Variants in SOX5 observed in about 807,000 individuals in gnomAD.
SOX5 encodes the protein transcription factor SOX-5.
Under a neutral mutation model 92.0 loss-of-function variants are expected in SOX5, and 9 were observed. The ratio of observed to expected loss-of-function variants is 0.10; its 90% confidence interval spans 0.06 to 0.17. The LOEUF is 0.17. Among genes scored for constraint, SOX5 ranks in the 10% least tolerant of loss-of-function variants. The pLI, the probability that SOX5 is intolerant of heterozygous loss-of-function variation, is 1.00. For synonymous variants in SOX5, 344 were observed against 336.3 expected (o/e 1.02, Z -0.25); for missense variants, 642 against 944.5 (o/e 0.68, Z 4.20).
At position 24,007,747 on chromosome 12, in the gene SOX5, ATG is replaced by A. The variant is rs1170413731; in HGVS notation, c.-1-111725_-1-111724del. ...TATATAAATGTATATAAATATATTT[ATG>A]TATATAAATGTATATAAATGTATTT... is the stretch of plus-strand genomic sequence containing the variant. On this transcript the variant is annotated intron_variant, in intron 4 of 4. Transcript: ENST00000446891. Among the ~76,000 whole-genome samples the A allele has an allele frequency of 1.3e-3, 134 of 101,308 alleles. 21 individuals are homozygous for A. Among genetic ancestry groups the A allele is most frequent in the Non-Finnish European group, 2.1e-3 (101 of 48,818 alleles). The allele number at this position is 101,308 out of a possible 152,430, so 66.5% of individuals were successfully genotyped here. A position where few individuals can be genotyped will look rare whatever the true frequency, so the allele number is the denominator to read the frequency against.
At chr12:24,291,448 ACT>A (rs1449846023) in intron 2 of SOX5, among the ~76,000 whole-genome samples, 1 of 152,168 alleles carries the variant, frequency 6.6e-6, no homozygotes, top group Non-Finnish European at 1.5e-5. Flanking sequence ...ATAGTTAGAA[ACT>A]CTCTGATATG....
chr12:23,587,517 T>TTAA (rs1478173093), intron 9 of SOX5, among the ~76,000 whole-genome samples: 8 of 152,144 alleles, frequency 5.3e-5, no homozygotes, highest in Admixed American at 2.6e-4. Context: ...TAATTTCTTT[T>TTAA]TAATTCTGAA....
chr12:24,269,761 C>T (rs73284918), intron 3 of SOX5, among the ~76,000 whole-genome samples: 2 of 146,908 alleles, frequency 1.4e-5, no homozygotes, highest in Non-Finnish European at 3.0e-5. Context: ...TCACTACAGC[C>T]TTGAACTCCC....
chr12:23,667,535 G>C (rs1343911552), intron 6 of SOX5, among the ~76,000 whole-genome samples: 1 of 152,126 alleles, frequency 6.6e-6, no homozygotes, highest in Non-Finnish European at 1.5e-5. Flanking sequence ...AAAGACCCTA[G>C]AGATTATCAG....
intron 1 of SOX5, among the ~76,000 whole-genome samples, chr12:23,923,735 T>C (rs1939140914): frequency 6.6e-6 from 1 of 152,150 alleles, no homozygotes; most frequent in African/African-American, 2.4e-5. Context: ...ATATCCTGTA[T>C]CTGAGTCACA....
chr12:24,075,411 A>G (rs1235038586), intron 4 of SOX5, among the ~76,000 whole-genome samples: 1 of 151,892 alleles, frequency 6.6e-6, no homozygotes, highest in Admixed American at 6.6e-5. Context: ...TTGAGAAATG[A>G]GAGGCTAAGT....
chr12:24,100,825 T>A (rs547493890), intron 4 of SOX5, among the ~76,000 whole-genome samples: 5 of 152,248 alleles, frequency 3.3e-5, no homozygotes, highest in East Asian at 1.9e-4. Context: ...CATCTACATA[T>A]GTCTAGAGTC....
intron 1 of SOX5, among the ~76,000 whole-genome samples, chr12:24,560,877 G>A (rs1954266921): frequency 1.3e-5 from 2 of 152,092 alleles, no homozygotes; most frequent in Non-Finnish European, 2.9e-5. Flanking sequence ...AATCTCACAT[G>A]TGCCTACTTC....
intron 4 of SOX5, among the ~76,000 whole-genome samples, chr12:24,140,203 C>T (rs767338719): frequency 8.6e-5 from 13 of 151,910 alleles, no homozygotes; most frequent in Admixed American, 6.6e-4. Context: ...TTTCTGATCT[C>T]GATCATACAT....
At chr12:23,961,512 T>C (rs1946928304) in intron 4 of SOX5, among the ~76,000 whole-genome samples, 1 of 152,142 alleles carries the variant, frequency 6.6e-6, no homozygotes. Flanking sequence ...TGCATTACTC[T>C]TGGAGTATCT....
intron 3 of SOX5, among the ~76,000 whole-genome samples, chr12:23,824,807 G>C (rs1460206846): frequency 6.6e-6 from 1 of 152,218 alleles, no homozygotes; most frequent in Non-Finnish European, 1.5e-5. Context: ...AATCTAGAGA[G>C]GCAGTCTGGC....
chr12:23,796,405 G>T (rs761067957), intron 3 of SOX5, among the ~76,000 whole-genome samples: 12 of 152,086 alleles, frequency 7.9e-5, no homozygotes, highest in Admixed American at 6.6e-5. Context: ...TGAATGAGTA[G>T]TTTGAATTTC....
chr12:24,419,799 T>C (rs182650121), intron 1 of SOX5, among the ~76,000 whole-genome samples: 67 of 152,308 alleles, frequency 4.4e-4, no homozygotes, highest in Admixed American at 2.0e-4. Context: ...AGATAAACAT[T>C]GGCAAATGGT....
At chr12:23,992,945 G>T (rs1950700529) in intron 4 of SOX5, among the ~76,000 whole-genome samples, 1 of 152,116 alleles carries the variant, frequency 6.6e-6, no homozygotes, top group South Asian at 2.1e-4. Flanking sequence ...GAAAAAAGAA[G>T]GATGACAAAA....
intron 4 of SOX5, among the ~76,000 whole-genome samples, chr12:24,067,603 C>T (rs1940970192): frequency 6.6e-6 from 1 of 151,992 alleles, no homozygotes; most frequent in South Asian, 2.1e-4. Context: ...TTTATCACTC[C>T]CTAGAAAATG....
chr12:24,434,837 C>T (rs556970040), intron 1 of SOX5, among the ~76,000 whole-genome samples: 15 of 152,310 alleles, frequency 9.8e-5, no homozygotes, highest in South Asian at 2.1e-4. Context: ...CCTGCAGAAC[C>T]GTGAACCAAT....
chr12:24,021,149 T>C (rs913940328), intron 4 of SOX5, among the ~76,000 whole-genome samples: 3 of 152,184 alleles, frequency 2.0e-5, no homozygotes, highest in African/African-American at 4.8e-5. Flanking sequence ...CTTCTGTCTA[T>C]TAAACACAAA....
chr12:23,696,022 T>C (rs2089792395), intron 6 of SOX5, among the ~76,000 whole-genome samples: 1 of 145,642 alleles, frequency 6.9e-6, no homozygotes, highest in Non-Finnish European at 1.5e-5. Flanking sequence ...ATTCATAATA[T>C]ATTATCCTTC....
chr12:24,493,557 A>G (rs1213213645), intron 1 of SOX5, among the ~76,000 whole-genome samples: 1 of 152,046 alleles, frequency 6.6e-6, no homozygotes, highest in Admixed American at 6.6e-5. Flanking sequence ...TAAATGTAAG[A>G]CTCTCTGAAA....
Sources: allele counts gnomAD v4.1 joint callset (sites outside exome capture counted in the v4.1 genomes callset), GRCh38; gene constraint gnomAD v4.1.1; transcripts MANE v1.5; gene names NCBI Gene and HGNC (gene_info 2026-07-23, HGNC 2026-07-21).